WASHC2C: variants seen among roughly 807,000 people sequenced by gnomAD.
WASHC2C encodes the protein Vaccinia Penetration Factor.
WASHC2C carries 73 observed loss-of-function variants against 142.2 expected under a neutral mutation model. That is an observed-to-expected ratio of 0.51 (90% CI 0.43 to 0.62). The LOEUF is 0.62. WASHC2C is among the 20% of genes least tolerant of loss of function. The pLI, the probability that WASHC2C is intolerant of heterozygous loss-of-function variation, is 0.00. For missense variants in WASHC2C, 969 were observed against 1,531.7 expected (o/e 0.63, Z 6.13); for synonymous variants, 337 against 565.5 (o/e 0.60, Z 5.73).
Position 45,750,740 on chromosome 10 carries a change from T to C in WASHC2C, c.844-11T>C. 1 of 1,547,410 alleles carries C rather than the reference T, an allele frequency of 6.5e-7. No individual in the cohort carries two copies. Reference sequence around the variant, plus strand: ...ACAAAAAAGCGATTCTTTTGATTTCTCCTGCTGTAGAAAAGAAGCAGACCT... The same window carrying C: ...ACAAAAAAGCGATTCTTTTGATTTCCCCTGCTGTAGAAAAGAAGCAGACCT... On this transcript the variant is annotated splice_polypyrimidine_tract_variant and intron_variant, in intron 9 of 30. Coordinates refer to ENST00000623400, the MANE Select transcript of WASHC2C (RefSeq NM_001330074.2).
intron 5 of WASHC2C, among the ~76,000 whole-genome samples, chr10:45,741,670 G>A (rs1169487594): frequency 1.3e-5 from 2 of 152,098 alleles, no homozygotes; most frequent in African/African-American, 4.8e-5. Flanking sequence ...ATTCTCCCCT[G>A]CCCCAGAGTC....
intron 21 of WASHC2C, among the ~76,000 whole-genome samples, chr10:45,775,680 ATTTT>A (rs569006368): frequency 7.5e-6 from 1 of 132,988 alleles, no homozygotes; most frequent in African/African-American, 2.8e-5. Flanking sequence ...TTTGCATTGA[ATTTT>A]TTTTTTTTTT....
intron 5 of WASHC2C, among the ~76,000 whole-genome samples, chr10:45,740,907 G>T (rs1374051622): frequency 1.0e-5 from 1 of 98,852 alleles, no homozygotes; most frequent in Non-Finnish European, 2.1e-5. Context: ...AAGAGGCCTT[G>T]TGACACACAA....
At chr10:45,735,988 G>A (rs1554864423) in intron 3 of WASHC2C, among the ~76,000 whole-genome samples, 1 of 152,024 alleles carries the variant, frequency 6.6e-6, no homozygotes, top group African/African-American at 2.4e-5. Flanking sequence ...ATCAGTTTCA[G>A]CCAGGCACAA....
At chr10:45,727,046 C>G (rs2049931841), upstream of WASHC2C, 1 of 1,145,152 alleles carries the variant, frequency 8.7e-7, no homozygotes, top group Non-Finnish European at 1.1e-6. Context: ...CCCCGCCCAA[C>G]CCGCCTCTGC....
Position 45,792,468 on chromosome 10 carries a change from T to C in WASHC2C, c.*68T>C. On this transcript the variant is annotated 3_prime_UTR_variant, in exon 31 of 31. Transcript: ENST00000623400. ...GAGTTAGTGATGATATTGTATATGC[T>C]CATGGTCTTAACTGGATTACAAAAA... 1.3e-6 allele frequency: 2 copies of C among 1,557,296 alleles called. 1 individual carries two copies. The highest frequency in any genetic ancestry group is 2.3e-5 in the South Asian group (2 of 87,558).
At chr10:45,778,392 AC>A (rs1157588169) in intron 22 of WASHC2C, among the ~76,000 whole-genome samples, 753 of 63,298 alleles carry the variant, frequency 0.012, no homozygotes, top group African/African-American at 0.048. Context: ...ATCGGGATGT[AC>A]CTCATAATCA....
intron 4 of WASHC2C, 42 bp downstream of exon 4, chr10:45,738,087 A>G: frequency 3.7e-6 from 6 of 1,611,980 alleles, no homozygotes; most frequent in Non-Finnish European, 5.1e-6. Flanking sequence ...TCTGACTTTG[A>G]AAAGTGTGGT....
chr10:45,784,239 T>TAC (rs2057744862), intron 23 of WASHC2C, among the ~76,000 whole-genome samples: 10 of 52,504 alleles, frequency 1.9e-4, no homozygotes, highest in African/African-American at 4.8e-4. Flanking sequence ...TATATATATA[T>TAC]ATGTGTGTGT....
rs1457008288 is a variant in WASHC2C, at chr10:45,786,512, A to G, written c.2812-100A>G. On this transcript the variant is annotated intron_variant, in intron 26 of 30. Coordinates refer to ENST00000623400, the MANE Select transcript of WASHC2C (RefSeq NM_001330074.2). ...CCTTTCCCATTAAAGAGCTACAGAA[A>G]GTGACAGTTTTGCTCCATCACAGAT... 8 of 1,203,090 alleles carry G rather than the reference A, an allele frequency of 6.6e-6. No homozygotes were observed. The African/African-American group carries it at 1.2e-4, about 18-fold the overall frequency. The allele number at this position is 1,203,090 out of a possible 1,614,324, so 74.5% of individuals were successfully genotyped here.
intron 3 of WASHC2C, among the ~76,000 whole-genome samples, chr10:45,735,200 T>G (rs1448900352): frequency 2.0e-5 from 3 of 151,766 alleles, no homozygotes; most frequent in Admixed American, 1.3e-4. Flanking sequence ...TTTTTACTTT[T>G]CTGTGTGAAT....
At chr10:45,791,692 A>G (rs1459831269) in intron 30 of WASHC2C, among the ~76,000 whole-genome samples, 2 of 146,092 alleles carry the variant, frequency 1.4e-5, no homozygotes, top group Admixed American at 7.1e-5. Context: ...TTATGTATAC[A>G]TGCTAAAATC....
intron 3 of WASHC2C, among the ~76,000 whole-genome samples, chr10:45,735,000 T>A (rs1564697054): frequency 6.6e-6 from 1 of 152,100 alleles, no homozygotes; most frequent in Non-Finnish European, 1.5e-5. Flanking sequence ...AATGTTTGTG[T>A]GTGTTTATGT....
intron 11 of WASHC2C, among the ~76,000 whole-genome samples, chr10:45,752,297 C>T (rs868927842): frequency 5.9e-3 from 891 of 150,280 alleles, no homozygotes; most frequent in African/African-American, 0.022. Flanking sequence ...GCGTCTGACC[C>T]GAATGCTTGC....
intron 15 of WASHC2C, among the ~76,000 whole-genome samples, chr10:45,755,337 T>C (rs1481579666): frequency 6.6e-6 from 1 of 152,302 alleles, no homozygotes; most frequent in East Asian, 1.9e-4. Context: ...ACTATGATTA[T>C]TTTCCTTATA....
At chr10:45,786,132 C>T (rs1237243206) in intron 26 of WASHC2C, among the ~76,000 whole-genome samples, 1 of 152,118 alleles carries the variant, frequency 6.6e-6, no homozygotes, top group East Asian at 1.9e-4. Context: ...GTGCAGGTGT[C>T]CCAGGGTGTC....
chr10:45,784,095 G>C (rs559153258), intron 23 of WASHC2C, among the ~76,000 whole-genome samples: 12 of 151,616 alleles, frequency 7.9e-5, no homozygotes, highest in Admixed American at 7.9e-4. Flanking sequence ...AATTCATTCA[G>C]TTGTATGTTT....
intron 11 of WASHC2C, 150 bp downstream of exon 11, chr10:45,751,703 C>T (rs117019474): frequency 0.033 from 50,466 of 1,532,100 alleles, 980 homozygotes; most frequent in East Asian, 0.081. Context: ...CTGGGCTGGA[C>T]GCGGTGGCTC....
chr10:45,788,814 T>G, intron 28 of WASHC2C, 57 bp from the exon 29 acceptor site: 4 of 1,612,030 alleles, frequency 2.5e-6, no homozygotes, highest in Non-Finnish European at 3.4e-6. Context: ...TTTGCCATGG[T>G]AGCTTTGAAC....
Sources: allele counts gnomAD v4.1 joint callset (sites outside exome capture counted in the v4.1 genomes callset), GRCh38; gene constraint gnomAD v4.1.1; transcripts MANE v1.5; gene names NCBI Gene and HGNC (gene_info 2026-07-23, HGNC 2026-07-21).